PPARGC1A: variants seen among roughly 807,000 people sequenced by gnomAD.
The protein encoded by PPARGC1A is PPARG coactivator 1 alpha.
A neutral mutation model predicts 88.7 loss-of-function variants in PPARGC1A; 25 were observed. The observed-to-expected ratio is 0.28, with a 90% CI of 0.21 to 0.39. The LOEUF is 0.39. Among genes scored for constraint, PPARGC1A ranks in the 10% least tolerant of loss-of-function variants. PPARGC1A has a pLI of 1.00. For missense variants in PPARGC1A, 880 were observed against 968.7 expected (o/e 0.91, Z 1.22); for synonymous variants, 363 against 355.6 (o/e 1.02, Z -0.24).
the PPARGC1A span, among the ~76,000 whole-genome samples, chr4:24,269,704 T>G: frequency 6.6e-6 from 1 of 152,256 alleles, no homozygotes; most frequent in Non-Finnish European, 1.5e-5. Flanking sequence ...CTCAAGGCTT[T>G]GTTGTAATAA....
At chr4:24,382,600 G>A in the PPARGC1A span, among the ~76,000 whole-genome samples, 1 of 152,210 alleles carries the variant, frequency 6.6e-6, no homozygotes, top group Non-Finnish European at 1.5e-5. Flanking sequence ...GTTTAGAACT[G>A]ATACAAGGTT....
chr4:24,407,537 A>G, the PPARGC1A span, among the ~76,000 whole-genome samples: 3 of 152,248 alleles, frequency 2.0e-5, no homozygotes, highest in Non-Finnish European at 2.9e-5. Flanking sequence ...GTCCAGTGAC[A>G]TCGATTTTAA....
chr4:24,066,054 C>T, the PPARGC1A span, among the ~76,000 whole-genome samples: 1 of 150,866 alleles, frequency 6.6e-6, no homozygotes, highest in Admixed American at 6.7e-5. Context: ...AAATCTCATG[C>T]TTCTAGTGCA....
chr4:24,346,502 G>T, the PPARGC1A span, among the ~76,000 whole-genome samples: 1 of 152,014 alleles, frequency 6.6e-6, no homozygotes, highest in African/African-American at 2.4e-5. Context: ...CCTGCTTTGA[G>T]CTAGGAAAGT....
the PPARGC1A span, among the ~76,000 whole-genome samples, chr4:24,452,763 G>A: frequency 6.6e-6 from 1 of 152,290 alleles, no homozygotes; most frequent in South Asian, 2.1e-4. Flanking sequence ...GTCTAGTGGG[G>A]AGACATAAAA....
At chr4:24,007,674 G>T in the PPARGC1A span, among the ~76,000 whole-genome samples, 1 of 152,268 alleles carries the variant, frequency 6.6e-6, no homozygotes, top group Admixed American at 6.5e-5. Context: ...AACATGGGAG[G>T]CACAGATGTG....
the PPARGC1A span, among the ~76,000 whole-genome samples, chr4:23,920,116 G>A: frequency 1.3e-5 from 2 of 152,352 alleles, no homozygotes; most frequent in Non-Finnish European, 2.9e-5. Flanking sequence ...TCAGCAAGAA[G>A]AGAGGTATGC....
At chr4:23,913,197 T>C in the PPARGC1A span, among the ~76,000 whole-genome samples, 6 of 144,180 alleles carry the variant, frequency 4.2e-5, no homozygotes, top group South Asian at 6.4e-4. Flanking sequence ...ATATATGATA[T>C]ATATAGAATC....
At chr4:23,920,884 G>A in the PPARGC1A span, among the ~76,000 whole-genome samples, 2 of 152,084 alleles carry the variant, frequency 1.3e-5, no homozygotes, top group Non-Finnish European at 2.9e-5. Flanking sequence ...GTTCAGCCAC[G>A]GGGAGCCTGT....
chr4:24,087,657 G>A, the PPARGC1A span, among the ~76,000 whole-genome samples: 1 of 152,210 alleles, frequency 6.6e-6, no homozygotes, highest in African/African-American at 2.4e-5. Context: ...GTTTGCCCAT[G>A]GTCATACAGC....
the PPARGC1A span, among the ~76,000 whole-genome samples, chr4:24,157,966 ACT>A: frequency 1.3e-5 from 2 of 151,854 alleles, no homozygotes; most frequent in African/African-American, 4.8e-5. Flanking sequence ...TCCAACACAC[ACT>A]GTCTTCCTTT....
At chr4:24,394,327 C>A in the PPARGC1A span, among the ~76,000 whole-genome samples, 1 of 152,154 alleles carries the variant, frequency 6.6e-6, no homozygotes, top group Non-Finnish European at 1.5e-5. Flanking sequence ...ATCCAAGGAG[C>A]TGGCTGAGAG....
chr4:23,960,255 AT>A, the PPARGC1A span, among the ~76,000 whole-genome samples: 1 of 152,082 alleles, frequency 6.6e-6, no homozygotes, highest in African/African-American at 2.4e-5. Context: ...ATCAGGGGAC[AT>A]TTTTTTGTTG....
the PPARGC1A span, among the ~76,000 whole-genome samples, chr4:24,065,299 C>T: frequency 5.9e-5 from 9 of 152,088 alleles, no homozygotes; most frequent in Non-Finnish European, 1.2e-4. Context: ...GCTGTGCAGG[C>T]ATTAGCGGGT....
chr4:23,820,306 T>C (rs1428068351), intron 7 of PPARGC1A: 1 of 152,468 alleles, frequency 6.6e-6, no homozygotes, highest in East Asian at 1.9e-4. Flanking sequence ...TGACATCTGA[T>C]TATATTTTTT....
At chr4:24,145,901 G>T in the PPARGC1A span, among the ~76,000 whole-genome samples, 1 of 152,158 alleles carries the variant, frequency 6.6e-6, no homozygotes, top group Non-Finnish European at 1.5e-5. Flanking sequence ...CTTCCACAAG[G>T]ACGTGTGGCT....
chr4:24,031,659 A>ATT, the PPARGC1A span, among the ~76,000 whole-genome samples: 1 of 152,166 alleles, frequency 6.6e-6, no homozygotes, highest in African/African-American at 2.4e-5. Flanking sequence ...GTTTAACATC[A>ATT]TCCCTGGACT....
the PPARGC1A span, among the ~76,000 whole-genome samples, chr4:24,088,292 C>T: frequency 1.3e-5 from 2 of 151,908 alleles, no homozygotes; most frequent in Admixed American, 1.3e-4. Context: ...GAGGTAGAGG[C>T]TGCAGTGAGC....
rs757097740 is a variant in PPARGC1A, at chr4:23,812,709, C to T, written c.2019+38G>A. 2.5e-6 allele frequency: 4 copies of T among 1,610,864 alleles called. No individual in the cohort carries two copies. The Admixed American group carries it at 6.8e-5, about 27-fold the overall frequency. ...AAAAAGCACACAGAAAAAGAAGAAA[C>T]CCTACTTTAAAATAAAAGTGAGCTC... On this transcript the variant is annotated intron_variant, in intron 10 of 12. Transcript: ENST00000264867.
Sources: gnomAD v4.1 joint callset for allele counts (sites outside exome capture counted in the v4.1 genomes callset) on GRCh38, gnomAD v4.1.1 for gene constraint, MANE v1.5 for transcripts, NCBI Gene and HGNC (gene_info 2026-07-23, HGNC 2026-07-21) for gene names.